NCOR1: variants seen among roughly 807,000 people sequenced by gnomAD.
NCOR1 encodes protein phosphatase 1, regulatory subunit 109.
In NCOR1, 63 loss-of-function variants were observed where a neutral mutation model predicts 288.1. That is an observed-to-expected ratio of 0.22 (90% confidence interval 0.18 to 0.27). The LOEUF (loss-of-function observed/expected upper bound fraction) is 0.27. NCOR1 is among the 10% of genes least tolerant of loss of function. The pLI is 1.00. For missense variants in NCOR1, 2,397 were observed against 3,019.2 expected (o/e 0.79, Z 4.83); for synonymous variants, 1,007 against 1,065.9 (o/e 0.94, Z 1.08).
At chr17:16,092,652 TATATA>T (rs2065392764) in intron 21 of NCOR1, among the ~76,000 whole-genome samples, 3 of 11,160 alleles carry the variant, frequency 2.7e-4, no homozygotes, top group Admixed American at 1.6e-3. Context: ...TCCATTTATA[TATATA>T]TATATATATA....
At chr17:16,183,730 A>G (rs1001864247) in intron 3 of NCOR1, among the ~76,000 whole-genome samples, 9 of 152,178 alleles carry the variant, frequency 5.9e-5, no homozygotes, top group African/African-American at 2.2e-4. Flanking sequence ...ACAGAAATAG[A>G]AAAAACAACC....
intron 28 of NCOR1, among the ~76,000 whole-genome samples, chr17:16,073,087 T>C (rs78179090): frequency 0.026 from 3,991 of 152,264 alleles, 174 homozygotes; most frequent in African/African-American, 0.09. Context: ...CAAAAAGAAG[T>C]TCTCATAATA....
At chr17:16,134,736 G>T (rs1174091966) in intron 14 of NCOR1, among the ~76,000 whole-genome samples, 8 of 152,170 alleles carry the variant, frequency 5.3e-5, no homozygotes, top group Admixed American at 5.2e-4. Flanking sequence ...CAAAGGTTAA[G>T]GTACACTGTA....
intron 14 of NCOR1, among the ~76,000 whole-genome samples, chr17:16,130,988 A>ATT (rs773227977): frequency 9.9e-5 from 12 of 121,784 alleles, no homozygotes; most frequent in Non-Finnish European, 1.4e-4. Context: ...CGCACCTGGA[A>ATT]TTTTTTTTTT....
intron 6 of NCOR1, among the ~76,000 whole-genome samples, chr17:16,153,838 TTTA>T (rs1201581734): frequency 3.9e-5 from 6 of 152,098 alleles, no homozygotes; most frequent in African/African-American, 1.4e-4. Flanking sequence ...ATGGCCACTC[TTTA>T]CTATGGTGAG....
At chr17:16,189,760 A>G (rs2087699761) in intron 2 of NCOR1, among the ~76,000 whole-genome samples, 1 of 152,252 alleles carries the variant, frequency 6.6e-6, no homozygotes, top group Non-Finnish European at 1.5e-5. Flanking sequence ...TATTAAAAAA[A>G]CAAGAATAAA....
rs369040156 is a variant in NCOR1, at chr17:16,094,264, T to C, written c.2821-2206A>G. On this transcript the variant is annotated intron_variant, in intron 21 of 45. Coordinates refer to ENST00000268712, the MANE Select transcript of NCOR1 (RefSeq NM_006311.4). ...TTTTGAAATCAGAGGCTATAATATA[T>C]AAATACTCTCCACAATATTAAGAAC... 1.8e-3 allele frequency among the ~76,000 whole-genome samples: 268 copies of C among 152,174 alleles called. 1 individual carries two copies. The highest frequency in any genetic ancestry group is 3.1e-3 in the Non-Finnish European group (209 of 68,004).
chr17:16,126,057 T>C, intron 15 of NCOR1, 25 bp downstream of exon 15: 1 of 1,052,242 alleles, frequency 9.5e-7, no homozygotes, highest in Non-Finnish European at 1.4e-6. Flanking sequence ...ATTTAACTTA[T>C]TATATAACTA....
chr17:16,036,481 T>G (rs1480987514), intron 44 of NCOR1, among the ~76,000 whole-genome samples: 1 of 152,202 alleles, frequency 6.6e-6, no homozygotes, highest in Non-Finnish European at 1.5e-5. Context: ...AGCCTGTCTT[T>G]TGAAGTTTTG....
chr17:16,184,910 A>G (rs774073013), intron 3 of NCOR1, among the ~76,000 whole-genome samples: 1 of 151,932 alleles, frequency 6.6e-6, no homozygotes, highest in African/African-American at 2.4e-5. Context: ...CTTGCCATCC[A>G]CAACATGGAT....
chr17:16,101,370 T>C lies in NCOR1; in HGVS notation c.2570A>G (p.Asp857Gly), dbSNP rs1470052748. Residue 857 changes from aspartate to glycine, a missense_variant, in exon 20 of 46, where the codon GAT (aspartate) becomes GGT (glycine). Around this residue, in one of 11 missense-constraint regions of NCOR1, gnomAD observed 1,872 missense variants for 2,187.8 expected, o/e 0.86. Transcript: ENST00000268712. ...TTGCTGAGCTACCACCAAATCTTCA[T>C]CTCTAGGTTCCACCTTCTCACTGGC... ...DRASEKVEPRDEDLVVAQQIN... is the reference protein window; with the variant it reads ...DRASEKVEPRGEDLVVAQQIN... The C allele has an allele frequency of 2.5e-6, 4 of 1,614,214 alleles. No individual in the cohort carries two copies. The highest frequency in any genetic ancestry group is 3.4e-6 in the Non-Finnish European group (4 of 1,180,038).
At chr17:16,208,725 T>C (rs2091838407) in intron 1 of NCOR1, among the ~76,000 whole-genome samples, 1 of 151,960 alleles carries the variant, frequency 6.6e-6, no homozygotes, top group Non-Finnish European at 1.5e-5. Context: ...GGCACACACC[T>C]GTAGTCCCAG....
At chr17:16,131,975 A>G (rs1436415883) in intron 14 of NCOR1, among the ~76,000 whole-genome samples, 1 of 152,356 alleles carries the variant, frequency 6.6e-6, no homozygotes, top group East Asian at 1.9e-4. Flanking sequence ...AGAGTCACAT[A>G]GGTACAATTG....
At chr17:16,054,672 G>A (rs572581801) in intron 40 of NCOR1, among the ~76,000 whole-genome samples, 5 of 152,350 alleles carry the variant, frequency 3.3e-5, no homozygotes, top group African/African-American at 1.2e-4. Context: ...GCTCATGCCT[G>A]TAATCCCACC....
At position 16,086,360 on chromosome 17, in the gene NCOR1, C is replaced by A. The variant is rs747290065; in HGVS notation, c.3099G>T (p.Pro1033=). ...TTTTGGATGACGGGATGAGAGGGGG[C>A]GGTGGCCTGGTTGGTCGAGTTGTCG... is the stretch of plus-strand genomic sequence containing the variant. ...RLPTTRPTRP[P]PPLIPSSKTT... Residue 1033 remains proline, a synonymous_variant, in exon 23 of 46, where the codon CCG becomes CCT. Transcript: ENST00000268712. 8 of 1,613,924 alleles carry A rather than the reference C, an allele frequency of 5.0e-6. No individual in the cohort carries two copies. In the South Asian group the frequency reaches 7.7e-5, roughly 16 times the overall value.
intron 1 of NCOR1, 106 bp downstream of exon 1, chr17:16,215,256 C>T (rs1230481185): frequency 7.8e-6 from 3 of 386,712 alleles, no homozygotes; most frequent in African/African-American, 6.2e-5. Flanking sequence ...ACACCCCCCG[C>T]CCGGCGGAGA....
intron 14 of NCOR1, among the ~76,000 whole-genome samples, chr17:16,131,683 G>C (rs975404735): frequency 3.9e-5 from 6 of 152,120 alleles, no homozygotes; most frequent in Non-Finnish European, 8.8e-5. Flanking sequence ...AATATCTTAA[G>C]CCTATCTTAT....
chr17:16,116,681 C>T (rs1328382965), intron 18 of NCOR1, among the ~76,000 whole-genome samples: 1 of 151,256 alleles, frequency 6.6e-6, no homozygotes, highest in Admixed American at 6.6e-5. Context: ...TGCCAAAGTG[C>T]TTTTCCCTGA....
intron 28 of NCOR1, among the ~76,000 whole-genome samples, chr17:16,072,917 C>A (rs1003705313): frequency 6.6e-6 from 1 of 152,176 alleles, no homozygotes; most frequent in Admixed American, 6.5e-5. Flanking sequence ...ATGAGCAGCA[C>A]CAGTTCAGAC....
Sources: gnomAD v4.1 joint callset for allele counts (sites outside exome capture counted in the v4.1 genomes callset) on GRCh38, gnomAD v4.1.1 for gene constraint, gnomAD v4.1.1 regional missense constraint, MANE v1.5 for transcripts, NCBI Gene and HGNC (gene_info 2026-07-23, HGNC 2026-07-21) for gene names.